The following ASPRV1 variants were observed in gnomAD, a reference collection of about 807,000 sequenced individuals.
ASPRV1 encodes aspartic peptidase retroviral like 1.
In ASPRV1, 7 loss-of-function variants were observed where a neutral mutation model predicts 11.0. The ratio of observed to expected loss-of-function variants is 0.64; its 90% CI spans 0.36 to 1.20. ASPRV1 has a LOEUF of 1.20. ASPRV1 is among the 50% of genes most tolerant of loss of function. The pLI, the probability that ASPRV1 is intolerant of heterozygous loss-of-function variation, is 0.02. For synonymous variants in ASPRV1, 136 were observed against 138.4 expected (o/e 0.98, Z 0.12); for missense variants, 299 against 320.0 (o/e 0.93, Z 0.50).
At chr2:69,970,306 C>A in the ASPRV1 span, among the ~76,000 whole-genome samples, 1 of 152,294 alleles carries the variant, frequency 6.6e-6, no homozygotes, top group South Asian at 2.1e-4. Flanking sequence ...CCACCAGAGT[C>A]ATCTTCCAAA....
chr2:69,974,233 A>T, the ASPRV1 span, among the ~76,000 whole-genome samples: 1 of 151,920 alleles, frequency 6.6e-6, no homozygotes, highest in South Asian at 2.1e-4. Flanking sequence ...GCTACTCAGG[A>T]GGCTGAGGCA....
the ASPRV1 span, among the ~76,000 whole-genome samples, chr2:69,987,854 T>C: frequency 6.6e-6 from 1 of 152,166 alleles, no homozygotes; most frequent in Non-Finnish European, 1.5e-5. Flanking sequence ...ACTGACTGGG[T>C]GCCACCTTCA....
chr2:69,995,783 GTACT>G, the ASPRV1 span, among the ~76,000 whole-genome samples: 1 of 152,210 alleles, frequency 6.6e-6, no homozygotes, highest in Non-Finnish European at 1.5e-5. Flanking sequence ...GGGAGGGGCA[GTACT>G]AGACACCGCC....
the ASPRV1 span, among the ~76,000 whole-genome samples, chr2:70,061,486 T>C: frequency 6.6e-6 from 1 of 151,812 alleles, no homozygotes; most frequent in Non-Finnish European, 1.5e-5. Context: ...TATACAGCAC[T>C]GCAAAGGCCT....
the ASPRV1 span, among the ~76,000 whole-genome samples, chr2:69,934,148 A>G: frequency 6.6e-5 from 10 of 152,366 alleles, no homozygotes; most frequent in Non-Finnish European, 8.8e-5. Context: ...GGAGACTGCA[A>G]TGAATGGTTA....
chr2:70,080,430 T>C, the ASPRV1 span, among the ~76,000 whole-genome samples: 4 of 152,188 alleles, frequency 2.6e-5, no homozygotes, highest in Non-Finnish European at 5.9e-5. Flanking sequence ...TTTCACCACG[T>C]TGGCCAGGCT....
At chr2:70,041,941 C>A in the ASPRV1 span, among the ~76,000 whole-genome samples, 1,946 of 152,246 alleles carry the variant, frequency 0.013, 48 homozygotes, top group African/African-American at 0.045. Context: ...GTGATTACTA[C>A]CTTCATCTGG....
chr2:70,006,449 A>G, the ASPRV1 span, among the ~76,000 whole-genome samples: 1 of 152,166 alleles, frequency 6.6e-6, no homozygotes, highest in Non-Finnish European at 1.5e-5. Context: ...AGAAAATGGG[A>G]TCTAGGTGGC....
At chr2:69,935,393 G>A in the ASPRV1 span, 1 of 1,614,092 alleles carries the variant, frequency 6.2e-7, no homozygotes, top group Non-Finnish European at 8.5e-7. Flanking sequence ...TGAAGGGGCT[G>A]GTGCCACTTG....
the ASPRV1 span, among the ~76,000 whole-genome samples, chr2:70,037,115 T>G: frequency 6.6e-6 from 1 of 152,236 alleles, no homozygotes; most frequent in African/African-American, 2.4e-5. Context: ...CATTTCCTCT[T>G]GGATGTACCT....
the ASPRV1 span, among the ~76,000 whole-genome samples, chr2:69,947,022 C>T: frequency 1.3e-5 from 2 of 152,292 alleles, no homozygotes; most frequent in African/African-American, 4.8e-5. Context: ...CTTCAGTTCC[C>T]GCATTCACAC....
chr2:70,086,720 G>A, the ASPRV1 span, among the ~76,000 whole-genome samples: 2 of 152,248 alleles, frequency 1.3e-5, no homozygotes, highest in South Asian at 2.1e-4. Context: ...GGCAGGAGGT[G>A]GGGTTTCTGT....
the ASPRV1 span, among the ~76,000 whole-genome samples, chr2:69,983,120 T>G: frequency 6.6e-6 from 1 of 152,106 alleles, no homozygotes. Flanking sequence ...GGTTTCACCA[T>G]GTTGGCCAGG....
the ASPRV1 span, among the ~76,000 whole-genome samples, chr2:70,043,395 G>A: frequency 1.3e-5 from 2 of 152,034 alleles, no homozygotes; most frequent in Admixed American, 6.6e-5. Flanking sequence ...TCCAGCCTGG[G>A]TGGCAGAGTA....
the ASPRV1 span, among the ~76,000 whole-genome samples, chr2:70,058,130 A>C: frequency 6.6e-6 from 1 of 152,234 alleles, no homozygotes; most frequent in African/African-American, 2.4e-5. Context: ...CAGTACCACA[A>C]GGAATCACGG....
chr2:70,036,587 T>C, the ASPRV1 span, among the ~76,000 whole-genome samples: 6 of 152,174 alleles, frequency 3.9e-5, no homozygotes, highest in Non-Finnish European at 7.4e-5. Flanking sequence ...AGTGTACACA[T>C]AAACAAAAAA....
At chr2:70,072,877 C>A in the ASPRV1 span, among the ~76,000 whole-genome samples, 1 of 147,344 alleles carries the variant, frequency 6.8e-6, no homozygotes, top group Admixed American at 6.8e-5. Flanking sequence ...TATAGTGAAA[C>A]CTTGTCTCTA....
the ASPRV1 span, among the ~76,000 whole-genome samples, chr2:70,084,129 A>C: frequency 2.1e-4 from 32 of 152,208 alleles, no homozygotes; most frequent in African/African-American, 7.2e-4. Flanking sequence ...TTCACTGAGG[A>C]GGTGCACTAA....
chr2:69,982,036 T>TATCCATCC, the ASPRV1 span, among the ~76,000 whole-genome samples: 34 of 149,142 alleles, frequency 2.3e-4, no homozygotes, highest in Middle Eastern at 3.4e-3. Flanking sequence ...CCCTCTCATC[T>TATCCATCC]ATCCATCCAT....
Sources: gnomAD v4.1 joint callset for allele counts (sites outside exome capture counted in the v4.1 genomes callset) on GRCh38, gnomAD v4.1.1 for gene constraint, MANE v1.5 for transcripts, NCBI Gene and HGNC (gene_info 2026-07-23, HGNC 2026-07-21) for gene names.